The following ORC1 variants were observed in gnomAD, a reference collection of about 807,000 sequenced individuals.
ORC1 encodes the protein origin recognition complex, subunit 1 homolog.
A neutral mutation model predicts 98.9 loss-of-function variants in ORC1; 61 were observed. The ratio of observed to expected loss-of-function variants is 0.62; its 90% CI spans 0.50 to 0.76. ORC1 has a LOEUF of 0.76. Among genes scored for constraint, ORC1 ranks in the 30% least tolerant of loss-of-function variants. The pLI, the probability that ORC1 is intolerant of heterozygous loss-of-function variation, is 0.00. For missense variants in ORC1, 979 were observed against 1,072.2 expected, an observed-to-expected ratio of 0.91 and a Z score of 1.21; for synonymous variants, 385 against 406.9, an observed-to-expected ratio of 0.95 and a Z score of 0.65.
chr1:52,409,115 G>T, upstream of ORC1: 1 of 158,042 alleles, frequency 6.3e-6, no homozygotes, highest in Admixed American at 6.1e-5. Flanking sequence ...CAGCATATAA[G>T]ACTACTCATT....
rs1161542970 is a variant in ORC1 at position 52,396,067 on chromosome 1, T to G, written c.700A>C (p.Arg234=). ...TPTHPLTPRA[R]KRLELGNLGN... The stretch of plus-strand genomic sequence containing the variant: ...TTACTGCCAAGCTCCAGCCTCTTTC[T>G]GGCTCTTGGGGTAAGAGGATGGGTA... Residue 234 remains arginine, a synonymous_variant, in exon 5 of 17, where the codon AGA becomes CGA. Transcript: ENST00000371568. 1.2e-6 allele frequency: 2 copies of G among 1,614,088 alleles called. No homozygotes were observed. Among genetic ancestry groups the G allele is most frequent in the African/African-American group, 2.7e-5 (2 of 74,930 alleles).
intron 16 of ORC1, among the ~76,000 whole-genome samples, chr1:52,373,744 G>A (rs1030584415): frequency 2.0e-5 from 3 of 152,110 alleles, no homozygotes; most frequent in Non-Finnish European, 2.9e-5. Flanking sequence ...TTGTCTCCAG[G>A]GGCTGAGAGT....
At chr1:52,404,978 T>C (rs1647933713), upstream of ORC1, 3 of 1,406,434 alleles carry the variant, frequency 2.1e-6, no homozygotes, top group East Asian at 4.6e-5. Context: ...GGGGTGGTAC[T>C]GGAACGGAGT....
intron 13 of ORC1, among the ~76,000 whole-genome samples, chr1:52,382,347 G>T (rs1351413291): frequency 6.6e-6 from 1 of 152,128 alleles, no homozygotes; most frequent in Non-Finnish European, 1.5e-5. Flanking sequence ...AGAATCATTT[G>T]GAAGTAGATA....
chr1:52,384,784 T>C (rs1378668353), intron 10 of ORC1, 63 bp from the exon 11 acceptor site: 8 of 1,415,898 alleles, frequency 5.7e-6, no homozygotes, highest in Non-Finnish European at 7.8e-6. Flanking sequence ...TTATAATCAG[T>C]TAGGAGTGTG....
At chr1:52,378,534 C>T (rs1451826983) in intron 14 of ORC1, among the ~76,000 whole-genome samples, 8 of 149,536 alleles carry the variant, frequency 5.3e-5, no homozygotes, top group African/African-American at 2.0e-4. Context: ...GTGGCGGGTG[C>T]CTGCCTGTAG....
In ORC1 at chr1:52,375,479, T is replaced by C. The variant is rs753059342; in HGVS notation, c.2254A>G (p.Met752Val). The C allele has an allele frequency of 1.2e-5, 20 of 1,613,966 alleles. No homozygotes were observed. The highest frequency in any genetic ancestry group is 3.3e-5 in the South Asian group (3 of 91,084). The change falls in exon 15 of 17, where the codon ATG becomes GTG. Residue 752 changes from methionine (M) to valine (V), a missense_variant. Physicochemically the swap from Met to Val is conservative, Grantham distance 21. Transcript: ENST00000371568. ...GAAAACATCTCATCCACAGCTTCCA[T>C]TGAGTGGGCTATGGTGACCAGGCCA... Reference protein sequence around the residue: ...SPGLVTIAHSMEAVDEMFSSS... With the variant: ...SPGLVTIAHSVEAVDEMFSSS...
At chr1:52,374,104 C>T (rs1212872993) in intron 16 of ORC1, among the ~76,000 whole-genome samples, 5 of 152,164 alleles carry the variant, frequency 3.3e-5, no homozygotes, top group Non-Finnish European at 5.9e-5. Context: ...TGGCACACTG[C>T]AGATGTTCAG....
chr1:52,402,963 G>C (rs567762871), intron 1 of ORC1, among the ~76,000 whole-genome samples: 1 of 152,194 alleles, frequency 6.6e-6, no homozygotes, highest in East Asian at 1.9e-4. Flanking sequence ...ATCTTATACA[G>C]GATGGCACAG....
At chr1:52,408,859 T>G, upstream of ORC1, 1 of 740,930 alleles carries the variant, frequency 1.3e-6, no homozygotes, top group Non-Finnish European at 2.1e-6. Flanking sequence ...TCAGTCTGAC[T>G]ACTAGCTTCG....
At chr1:52,406,011 CAG>C (rs1301045720), upstream of ORC1, among the ~76,000 whole-genome samples, 1 of 152,142 alleles carries the variant, frequency 6.6e-6, no homozygotes, top group African/African-American at 2.4e-5. Flanking sequence ...GTTTTGGAAA[CAG>C]AGTCTCTCTG....
chr1:52,408,979 T>A (rs943545620), upstream of ORC1: 4 of 245,672 alleles, frequency 1.6e-5, no homozygotes, highest in Admixed American at 5.0e-5. Flanking sequence ...TCCCAAAAGA[T>A]CTAGCTGCAG....
Position 52,381,679 on chromosome 1 carries a change from G to T in ORC1, c.2096C>A (p.Ala699Asp), listed in dbSNP as rs762403245. The T allele has an allele frequency of 1.2e-6, 2 of 1,613,242 alleles. No homozygotes were observed. Among genetic ancestry groups the T allele is most frequent in the Admixed American group, 3.3e-5 (2 of 60,006 alleles). Residue 699 changes from alanine (A) to aspartate (D), a missense_variant, in exon 14 of 17, where the codon GCC becomes GAC. Transcript: ENST00000371568. ...CAGCTGGATGGCATCATCTTCAAAG[G>T]CCTTTAGATGCTTGAGCCGGGACCT... ...ILRSRLKHLK[A>D]FEDDAIQLVA...
chr1:52,383,452 G>T lies in ORC1; in HGVS notation c.1981C>A (p.Arg661=). ...CTGGACACCCGGTTCATCATGATTC[G>T]CTCTGGCAGGTCCATTGTGTTGGCA... ...AIANTMDLPE[R]IMMNRVSSRL... The change falls in exon 13 of 17, where the codon CGA becomes AGA. Residue 661 remains arginine, a synonymous_variant. Transcript: ENST00000371568. 6.2e-7 allele frequency: 1 copy of T among 1,613,040 alleles called. No homozygotes were observed. The highest frequency in any genetic ancestry group is 8.5e-7 in the Non-Finnish European group (1 of 1,180,024).
chr1:52,382,354 G>A (rs1647082853), intron 13 of ORC1, among the ~76,000 whole-genome samples: 1 of 152,142 alleles, frequency 6.6e-6, no homozygotes, highest in Non-Finnish European at 1.5e-5. Flanking sequence ...TTTGGAAGTA[G>A]ATAAAAGCTG....
rs1374837123 is a variant in ORC1 at position 52,383,442 on chromosome 1, A to G, written c.1991T>C (p.Met664Thr). ...TACCAGTCGGCTGGACACCCGGTTC[A>G]TCATGATTCGCTCTGGCAGGTCCAT... ...NTMDLPERIM[M>T]NRVSSRLGLT... is the part of the protein sequence containing the mutation. The change falls in exon 13 of 17, where the codon ATG becomes ACG. Residue 664 changes from methionine to threonine, a missense_variant. Coordinates refer to ENST00000371568, the MANE Select transcript of ORC1 (RefSeq NM_004153.4). The G allele has an allele frequency of 1.2e-6, 2 of 1,612,920 alleles. No individual in the cohort carries two copies. Among genetic ancestry groups the G allele is most frequent in the East Asian group, 2.2e-5 (1 of 44,876 alleles).
chr1:52,392,825 A>T (rs1005167882), intron 6 of ORC1, among the ~76,000 whole-genome samples: 14 of 152,220 alleles, frequency 9.2e-5, no homozygotes, highest in African/African-American at 1.7e-4. Context: ...CAAATATCAT[A>T]TGTTCTCACT....
At chr1:52,388,373 T>C (rs1041336512) in intron 8 of ORC1, 69 bp downstream of exon 8, 2 of 1,267,594 alleles carry the variant, frequency 1.6e-6, no homozygotes, top group African/African-American at 2.9e-5. Context: ...AATCTGTGAC[T>C]TCAGCATTTG....
chr1:52,375,352 G>A (rs912390941), intron 15 of ORC1, 78 bp downstream of exon 15: 69 of 1,306,690 alleles, frequency 5.3e-5, no homozygotes, highest in Non-Finnish European at 7.5e-5. Flanking sequence ...ATAAGTGCAG[G>A]TTGAATGAGT....
Sources: gnomAD v4.1 joint callset for allele counts (sites outside exome capture counted in the v4.1 genomes callset) on GRCh38, gnomAD v4.1.1 for gene constraint, MANE v1.5 for transcripts, NCBI Gene and HGNC (gene_info 2026-07-23, HGNC 2026-07-21) for gene names.